Variants in CD80 observed in about 807,000 individuals in gnomAD.
CD80 encodes the protein CD80 molecule, also known as T-lymphocyte activation antigen CD80.
Under a neutral mutation model 27.1 loss-of-function variants are expected in CD80, and 13 were observed. The ratio of observed to expected loss-of-function variants is 0.48; its 90% confidence interval spans 0.31 to 0.76. The LOEUF (loss-of-function observed/expected upper bound fraction) is 0.76, where lower values mean the gene tolerates loss of function less well. Among genes scored for constraint, CD80 ranks in the 30% least tolerant of loss-of-function variants. CD80 has a pLI of 0.04. For synonymous variants in CD80, 125 were observed against 125.5 expected (o/e 1.00, Z 0.03); for missense variants, 277 against 347.9 (o/e 0.80, Z 1.62).
chr3:119,558,786 T>A (rs985466806), intron 1 of CD80, among the ~76,000 whole-genome samples: 37 of 147,660 alleles, frequency 2.5e-4, no homozygotes, highest in South Asian at 8.5e-4. Context: ...AAAAAAAAAA[T>A]TATGTACTGT....
rs1474764943 is a variant in CD80, at chr3:119,557,815, G to A, written c.-87C>T. On this transcript the variant is annotated 5_prime_UTR_variant, in exon 2 of 7. Coordinates refer to ENST00000264246, the MANE Select transcript of CD80 (RefSeq NM_005191.4). The stretch of plus-strand genomic sequence containing the variant: ...CACTTCCCAGGTGCAAAACAGGCAG[G>A]GCTGATGACAATCCAATTGCTCACG... 1.4e-5 allele frequency: 11 copies of A among 763,630 alleles called. No individual in the cohort carries two copies. 47.3% of individuals were successfully genotyped at this position (763,630 alleles called of 1,614,324 possible).
chr3:119,544,346 GAA>G, intron 3 of CD80: 1 of 583,220 alleles, frequency 1.7e-6, no homozygotes, highest in Non-Finnish European at 3.0e-6. Context: ...GATTGTCAAA[GAA>G]CAAGAAATGC....
intron 2 of CD80, among the ~76,000 whole-genome samples, chr3:119,551,692 A>G (rs1282465406): frequency 6.6e-6 from 1 of 152,226 alleles, no homozygotes; most frequent in African/African-American, 2.4e-5. Context: ...CGAGATAACT[A>G]TCTTCCCTGC....
At chr3:119,542,707 C>T (rs570405571) in intron 3 of CD80, among the ~76,000 whole-genome samples, 1 of 152,314 alleles carries the variant, frequency 6.6e-6, no homozygotes, top group Admixed American at 6.5e-5. Context: ...GCTGAACTAA[C>T]TTTGGTAGAA....
At chr3:119,527,364 T>A (rs1026656246) in intron 6 of CD80, 2 of 168,346 alleles carry the variant, frequency 1.2e-5, no homozygotes, top group Non-Finnish European at 2.5e-5. Flanking sequence ...GTTACCGTGT[T>A]AATACAAAGT....
intron 2 of CD80, among the ~76,000 whole-genome samples, chr3:119,545,869 T>C (rs891763110): frequency 1.2e-4 from 19 of 152,314 alleles, no homozygotes; most frequent in Admixed American, 6.5e-4. Context: ...TCAATTCTTA[T>C]GGATATATGG....
At chr3:119,550,287 A>G (rs1355261267) in intron 2 of CD80, among the ~76,000 whole-genome samples, 1 of 152,116 alleles carries the variant, frequency 6.6e-6, no homozygotes, top group Non-Finnish European at 1.5e-5. Context: ...AAAGAATCCA[A>G]TATTTCTCAC....
chr3:119,546,210 C>G (rs2082201888), intron 2 of CD80, among the ~76,000 whole-genome samples: 1 of 152,194 alleles, frequency 6.6e-6, no homozygotes, highest in South Asian at 2.1e-4. Context: ...GTTTACCTAA[C>G]ACAATACCAC....
Position 119,527,735 on chromosome 3 carries a change from T to G in CD80, c.*36A>C. The stretch of plus-strand genomic sequence containing the variant: ...CCAGAAGAGATGACGGAGGCTACCT[T>G]CAGATCTTTTCAGCCCCTTGCTTCT... On this transcript the variant is annotated splice_region_variant and 3_prime_UTR_variant, in exon 6 of 7. Transcript: ENST00000264246. 1 of 1,560,492 alleles carries G rather than the reference T, an allele frequency of 6.4e-7. No homozygotes were observed. Among genetic ancestry groups the G allele is most frequent in the South Asian group, 1.1e-5 (1 of 89,920 alleles).
chr3:119,527,819 C>G lies in CD80; in HGVS notation c.819G>C (p.Glu273Asp). The change falls in exon 6 of 7, where the codon GAG becomes GAC. Residue 273 changes from glutamate (E) to aspartate (D), a missense_variant. Glu to Asp is a conservative substitution (Grantham distance 45). Transcript: ENST00000264246. ...LTYCFAPRCR[E>D]RRRNERLRRE... ...TTCTCAATCTCTCATTCCTCCTTCT[C>G]TCTCTGCATCTTGGGGCAAAGCCTT... The G allele has an allele frequency of 6.2e-7, 1 of 1,613,944 alleles. No individual in the cohort carries two copies. The highest frequency in any genetic ancestry group is 8.5e-7 in the Non-Finnish European group (1 of 1,179,844).
At chr3:119,531,393 C>T (rs533688595) in intron 4 of CD80, among the ~76,000 whole-genome samples, 3 of 152,260 alleles carry the variant, frequency 2.0e-5, no homozygotes, top group Non-Finnish European at 2.9e-5. Flanking sequence ...CCCAGCCTCT[C>T]GCCATGTTAA....
intron 2 of CD80, among the ~76,000 whole-genome samples, chr3:119,552,178 A>G (rs1276174417): frequency 6.6e-6 from 1 of 152,190 alleles, no homozygotes; most frequent in Non-Finnish European, 1.5e-5. Flanking sequence ...AGTAGAGACC[A>G]AGAATTTTAG....
At chr3:119,550,748 T>C (rs1218502762) in intron 2 of CD80, among the ~76,000 whole-genome samples, 5 of 152,100 alleles carry the variant, frequency 3.3e-5, no homozygotes, top group African/African-American at 1.2e-4. Flanking sequence ...CCCAACCCAG[T>C]GGGTGCAAGG....
chr3:119,545,535 C>T (rs693640), intron 2 of CD80, among the ~76,000 whole-genome samples: 35,577 of 151,904 alleles, frequency 0.23, 4,346 homozygotes, highest in Middle Eastern at 0.3. Flanking sequence ...CTGGCAATTG[C>T]CATTCTGTTT....
intron 4 of CD80, among the ~76,000 whole-genome samples, chr3:119,533,600 G>A (rs1191295986): frequency 1.3e-5 from 2 of 152,108 alleles, no homozygotes; most frequent in African/African-American, 4.8e-5. Context: ...CACGAGATCT[G>A]ATAGTTTAAA....
intron 4 of CD80, among the ~76,000 whole-genome samples, chr3:119,532,643 A>G (rs2082116727): frequency 6.6e-6 from 1 of 152,240 alleles, no homozygotes; most frequent in South Asian, 2.1e-4. Context: ...GTGAATAACA[A>G]TACCATTTAG....
chr3:119,551,162 G>A (rs182096605), intron 2 of CD80, among the ~76,000 whole-genome samples: 142 of 152,310 alleles, frequency 9.3e-4, no homozygotes, highest in Non-Finnish European at 1.5e-3. Flanking sequence ...AATACTTGCT[G>A]AATGCATGTC....
At chr3:119,541,181 G>T (rs903030614) in intron 3 of CD80, among the ~76,000 whole-genome samples, 1 of 152,118 alleles carries the variant, frequency 6.6e-6, no homozygotes, top group African/African-American at 2.4e-5. Flanking sequence ...AATCAAAGAC[G>T]TTGTAAGACT....
At chr3:119,553,503 G>A (rs1003983437) in intron 2 of CD80, among the ~76,000 whole-genome samples, 9 of 152,142 alleles carry the variant, frequency 5.9e-5, no homozygotes, top group Non-Finnish European at 1.2e-4. Context: ...GGGAAAAGAA[G>A]AATCCATACT....
Sources: gnomAD v4.1 joint callset for allele counts (sites outside exome capture counted in the v4.1 genomes callset) on GRCh38, gnomAD v4.1.1 for gene constraint, MANE v1.5 for transcripts, NCBI Gene and HGNC (gene_info 2026-07-23, HGNC 2026-07-21) for gene names.